PTPRN2: variants seen among roughly 807,000 people sequenced by gnomAD.
The protein encoded by PTPRN2 is receptor-type tyrosine-protein phosphatase N2.
Under a neutral mutation model 118.8 loss-of-function variants are expected in PTPRN2, and 74 were observed. The ratio of observed to expected loss-of-function variants is 0.62; its 90% CI spans 0.52 to 0.76. The LOEUF (loss-of-function observed/expected upper bound fraction) is 0.76. Ranked by LOEUF, PTPRN2 falls within the 30% of genes least tolerant of loss-of-function variation. The pLI, the probability that PTPRN2 is intolerant of heterozygous loss-of-function variation, is 0.00. For missense variants in PTPRN2, 1,481 were observed against 1,394.4 expected, an observed-to-expected ratio of 1.06 and a Z score of -0.99; for synonymous variants, 641 against 608.0, an observed-to-expected ratio of 1.05 and a Z score of -0.80.
At chr7:157,865,374 C>T (rs1810578500) in intron 12 of PTPRN2, 1 of 152,250 alleles carries the variant, frequency 6.6e-6, no homozygotes, top group Non-Finnish European at 1.5e-5. Context: ...GAGTTTGAAT[C>T]TCAGCGCTAT....
chr7:157,636,748 A>G (rs1225570116), intron 14 of PTPRN2, among the ~76,000 whole-genome samples: 1 of 152,248 alleles, frequency 6.6e-6, no homozygotes, highest in African/African-American at 2.4e-5. Context: ...GGCGTGGAAG[A>G]TGAAGAGATA....
chr7:157,602,944 T>G (rs535606634), intron 16 of PTPRN2, among the ~76,000 whole-genome samples: 39 of 152,356 alleles, frequency 2.6e-4, no homozygotes, highest in African/African-American at 8.9e-4. Context: ...GCACCATGTT[T>G]GATTAAAGGC....
intron 11 of PTPRN2, among the ~76,000 whole-genome samples, chr7:157,939,862 T>C (rs1445352510): frequency 3.3e-5 from 5 of 151,966 alleles, no homozygotes; most frequent in African/African-American, 1.2e-4. Flanking sequence ...ATGCCACAGG[T>C]CTCTGGCCTG....
chr7:158,116,082 T>C (rs1563456222), intron 9 of PTPRN2, among the ~76,000 whole-genome samples: 1 of 152,218 alleles, frequency 6.6e-6, no homozygotes, highest in Non-Finnish European at 1.5e-5. Flanking sequence ...TACTGCACCA[T>C]GCACCTCTCC....
chr7:157,811,666 G>A (rs1200224702), intron 12 of PTPRN2, among the ~76,000 whole-genome samples: 1 of 152,084 alleles, frequency 6.6e-6, no homozygotes, highest in Non-Finnish European at 1.5e-5. Context: ...GGAACCTGAT[G>A]AGCACTCGGC....
intron 10 of PTPRN2, among the ~76,000 whole-genome samples, chr7:158,091,881 AGTG>A (rs1814185155): frequency 1.2e-4 from 1 of 8,354 alleles, no homozygotes; most frequent in Non-Finnish European, 2.1e-4. Context: ...TGGGTGGGTG[AGTG>A]AGGGATAGGT....
At chr7:157,897,896 C>T (rs543993162) in intron 12 of PTPRN2, among the ~76,000 whole-genome samples, 9 of 152,286 alleles carry the variant, frequency 5.9e-5, no homozygotes, top group Non-Finnish European at 1.0e-4. Flanking sequence ...AAATCTCGAA[C>T]GCGGGAGCGC....
intron 11 of PTPRN2, among the ~76,000 whole-genome samples, chr7:158,023,231 G>A (rs891649751): frequency 2.6e-5 from 4 of 151,964 alleles, no homozygotes; most frequent in Admixed American, 6.6e-5. Flanking sequence ...CCAACATCTC[G>A]CTAAAGGAGG....
chr7:158,071,525 GATGCTC>G (rs1811658794), intron 11 of PTPRN2, among the ~76,000 whole-genome samples: 1 of 130,890 alleles, frequency 7.6e-6, no homozygotes, highest in Admixed American at 7.6e-5. Context: ...TGGTGGTGGA[GATGCTC>G]GTGATGATGG....
At position 157,729,894 on chromosome 7, in the gene PTPRN2, C is replaced by T. The variant is rs781528593; in HGVS notation, c.1789-46957G>A. 5.3e-5 allele frequency among the ~76,000 whole-genome samples: 8 copies of T among 152,104 alleles called. No homozygotes were observed. Among genetic ancestry groups the T allele is most frequent in the Non-Finnish European group, 1.2e-4 (8 of 68,022 alleles). ...AGGTGTTTAGATTAAACCTGATCCACGTGTGTCTGTGAGTGTGACTCGGAG... is the reference window on the plus strand; with the variant it reads ...AGGTGTTTAGATTAAACCTGATCCATGTGTGTCTGTGAGTGTGACTCGGAG... On this transcript the variant is annotated intron_variant, in intron 12 of 22. Coordinates refer to ENST00000389418, the MANE Select transcript of PTPRN2 (RefSeq NM_002847.5). The surrounding 1 kb of genome is among the most constrained non-coding windows in gnomAD (Gnocchi z 4.3).
intron 9 of PTPRN2, among the ~76,000 whole-genome samples, chr7:158,123,670 T>G (rs1817366838): frequency 6.6e-6 from 1 of 152,242 alleles, no homozygotes; most frequent in South Asian, 2.1e-4. Context: ...CACTGTATTC[T>G]GACAACTTAT....
intron 12 of PTPRN2, among the ~76,000 whole-genome samples, chr7:157,762,075 A>G (rs550050544): frequency 6.6e-6 from 1 of 152,194 alleles, no homozygotes; most frequent in African/African-American, 2.4e-5. Flanking sequence ...AATGGCAATC[A>G]TTAAAAAGTC....
At chr7:157,909,134 C>T (rs1197065913) in intron 11 of PTPRN2, among the ~76,000 whole-genome samples, 3 of 152,118 alleles carry the variant, frequency 2.0e-5, no homozygotes, top group Non-Finnish European at 4.4e-5. Flanking sequence ...GAGAACATCA[C>T]TACTCACAGG....
chr7:158,469,386 G>A (rs1819677115), intron 2 of PTPRN2, among the ~76,000 whole-genome samples: 1 of 152,146 alleles, frequency 6.6e-6, no homozygotes, highest in African/African-American at 2.4e-5. Flanking sequence ...AGGTTGCAGT[G>A]AGCCAAGATA....
chr7:157,999,802 G>C (rs1023945346), intron 11 of PTPRN2, among the ~76,000 whole-genome samples: 1 of 152,102 alleles, frequency 6.6e-6, no homozygotes. Flanking sequence ...ACTGGGGTTC[G>C]CAGCTCCGAC....
chr7:157,774,644 G>A (rs1803083852), intron 12 of PTPRN2, among the ~76,000 whole-genome samples: 1 of 152,212 alleles, frequency 6.6e-6, no homozygotes, highest in South Asian at 2.1e-4. Flanking sequence ...GCTCAGAGCT[G>A]TAACTGCGGT....
chr7:158,071,409 T>TGCTCGTGGTGGAGGTGCTCGTGGTGGAGG (rs1563391130), intron 11 of PTPRN2, among the ~76,000 whole-genome samples: 2 of 11,124 alleles, frequency 1.8e-4, no homozygotes, highest in Admixed American at 9.4e-4. Flanking sequence ...CGTGGTGGAG[T>TGCTCGTGGTGGAGGTGCTCGTGGTGGAGG]TGCTCCTGGT....
chr7:158,464,926 C>T (rs1473821597), intron 2 of PTPRN2, among the ~76,000 whole-genome samples: 1 of 152,264 alleles, frequency 6.6e-6, no homozygotes, highest in African/African-American at 2.4e-5. Context: ...TGCTCATTAT[C>T]ATTGACCTTC....
rs538042977 is a variant in PTPRN2 at position 158,272,338 on chromosome 7, G to A, written c.277+44481C>T. Among the ~76,000 whole-genome samples, 7 of 152,286 alleles carry A rather than the reference G, an allele frequency of 4.6e-5. No homozygotes were observed. The East Asian group carries it at 5.8e-4, about 13-fold the overall frequency. On this transcript the variant is annotated intron_variant, in intron 3 of 22. Coordinates refer to ENST00000389418, the MANE Select transcript of PTPRN2 (RefSeq NM_002847.5). ...CCTTTTGCAACTGCCCGGTACCAACGGTCAAGGATGAGAATTGCAGCAGAG... is the reference window on the plus strand; with the variant it reads ...CCTTTTGCAACTGCCCGGTACCAACAGTCAAGGATGAGAATTGCAGCAGAG...
Sources: allele counts gnomAD v4.1 joint callset (sites outside exome capture counted in the v4.1 genomes callset), GRCh38; gene constraint gnomAD v4.1.1; non-coding constraint Gnocchi (gnomAD v3.1); transcripts MANE v1.5; gene names NCBI Gene and HGNC (gene_info 2026-07-23, HGNC 2026-07-21).